SUMF1: variants seen among roughly 807,000 people sequenced by gnomAD.
The protein encoded by SUMF1 is sulfatase modifying factor 1.
SUMF1 carries 48 observed loss-of-function variants against 47.6 expected under a neutral mutation model. The ratio of observed to expected loss-of-function variants is 1.01; its 90% confidence interval spans 0.80 to 1.28. SUMF1 has a LOEUF of 1.28. Among genes scored for constraint, SUMF1 ranks in the 50% most tolerant of loss-of-function variants. SUMF1 has a pLI of 0.00. For synonymous variants in SUMF1, 230 were observed against 192.1 expected, an observed-to-expected ratio of 1.20 and a Z score of -1.63; for missense variants, 571 against 485.4, an observed-to-expected ratio of 1.18 and a Z score of -1.66.
intron 9 of SUMF1, among the ~76,000 whole-genome samples, chr3:4,056,751 A>T (rs894552408): frequency 5.3e-5 from 8 of 151,424 alleles, no homozygotes; most frequent in African/African-American, 1.9e-4. Flanking sequence ...TTTTTTATTT[A>T]TTTTTTTTGA....
chr3:4,341,420 A>T (rs1699270285), intron 8 of SUMF1, among the ~76,000 whole-genome samples: 1 of 152,044 alleles, frequency 6.6e-6, no homozygotes, highest in East Asian at 1.9e-4. Flanking sequence ...AACTTGTAAG[A>T]TTTAGGACTC....
At position 4,303,437 on chromosome 3, in the gene SUMF1, G is replaced by A. The variant is rs1698031791; in HGVS notation, c.1014+72893C>T. The A allele has an allele frequency of 1.3e-6, 2 of 1,552,444 alleles. No individual in the cohort carries two copies. The highest frequency in any genetic ancestry group is 1.7e-6 in the Non-Finnish European group (2 of 1,154,488). ...GGCGGAGTTTAAGGAGAAGCCTGAG[G>A]CCCCGACTGAGCAGCTGGATGTCGC... On this transcript the variant is annotated intron_variant and NMD_transcript_variant, in intron 8 of 12. Transcript: ENST00000448413.
chr3:4,045,883 T>C (rs1321186422), intron 9 of SUMF1, among the ~76,000 whole-genome samples: 1 of 152,068 alleles, frequency 6.6e-6, no homozygotes, highest in Admixed American at 6.5e-5. Context: ...TGGACATGAC[T>C]GAGATAAAGA....
At chr3:4,240,623 A>G (rs570359233) in intron 8 of SUMF1, among the ~76,000 whole-genome samples, 1 of 152,080 alleles carries the variant, frequency 6.6e-6, no homozygotes, top group South Asian at 2.1e-4. Context: ...AACACTATTT[A>G]TGATAGTGAG....
At position 4,273,008 on chromosome 3, in the gene SUMF1, A is replaced by G. The variant is rs147083352; in HGVS notation, c.1014+103322T>C. Among the ~76,000 whole-genome samples, 237 of 151,984 alleles carry G rather than the reference A, an allele frequency of 1.6e-3. 3 individuals carry two copies. The highest frequency in any genetic ancestry group is 4.0e-3 in the South Asian group (19 of 4,808). On this transcript the variant is annotated intron_variant and NMD_transcript_variant, in intron 8 of 12. Transcript: ENST00000448413. ...GAGGAATTCGAGGCTACTGTGAGCT[A>G]TGATCATGCCACTGCAACTCCAGCC... is the stretch of plus-strand genomic sequence containing the variant.
chr3:4,396,466 C>A (rs780182490), intron 7 of SUMF1, among the ~76,000 whole-genome samples: 3 of 152,190 alleles, frequency 2.0e-5, no homozygotes, highest in Non-Finnish European at 1.5e-5. Context: ...ACGGGACCTA[C>A]CGCACAGGCC....
intron 9 of SUMF1, among the ~76,000 whole-genome samples, chr3:4,036,209 G>A (rs541469069): frequency 1.4e-4 from 21 of 152,290 alleles, no homozygotes; most frequent in African/African-American, 4.8e-4. Flanking sequence ...GTGATTATGA[G>A]GATGAGACAA....
intron 8 of SUMF1, among the ~76,000 whole-genome samples, chr3:4,094,653 TA>T (rs1239933467): frequency 2.6e-5 from 4 of 152,098 alleles, no homozygotes; most frequent in Non-Finnish European, 5.9e-5. Context: ...ATTTTAACAA[TA>T]AATTATGCAA....
chr3:4,298,247 G>C (rs1033694696), intron 8 of SUMF1, among the ~76,000 whole-genome samples: 1 of 152,048 alleles, frequency 6.6e-6, no homozygotes. Context: ...AAGGTTCCTG[G>C]TCAATGAAAA....
chr3:4,316,046 C>CAA (rs774059331), intron 8 of SUMF1, among the ~76,000 whole-genome samples: 29 of 76,640 alleles, frequency 3.8e-4, no homozygotes, highest in East Asian at 5.3e-4. Context: ...GACTCTGTCT[C>CAA]AAAAAAAAAA....
chr3:4,156,906 T>C (rs943991089), intron 8 of SUMF1, among the ~76,000 whole-genome samples: 2 of 151,730 alleles, frequency 1.3e-5, no homozygotes, highest in Admixed American at 1.3e-4. Flanking sequence ...TGCTGCTGAT[T>C]ATAAAATGCA....
intron 7 of SUMF1, among the ~76,000 whole-genome samples, chr3:4,409,342 A>C (rs1027692778): frequency 2.0e-5 from 3 of 152,238 alleles, no homozygotes; most frequent in Non-Finnish European, 2.9e-5. Flanking sequence ...ACCTAAAATG[A>C]GAACAATTTC....
chr3:4,341,044 T>A (rs1368037400), intron 8 of SUMF1, among the ~76,000 whole-genome samples: 1 of 152,136 alleles, frequency 6.6e-6, no homozygotes, highest in Non-Finnish European at 1.5e-5. Flanking sequence ...AGGGAGTGCA[T>A]CTTTGAAGAT....
At chr3:4,135,899 A>C (rs979171055) in intron 8 of SUMF1, among the ~76,000 whole-genome samples, 31 of 152,174 alleles carry the variant, frequency 2.0e-4, no homozygotes, top group Admixed American at 4.6e-4. Flanking sequence ...AATAAAATAC[A>C]CAGGAATCCA....
intron 8 of SUMF1, among the ~76,000 whole-genome samples, chr3:4,373,166 G>C (rs781232860): frequency 1.1e-4 from 17 of 151,428 alleles, no homozygotes; most frequent in Non-Finnish European, 2.4e-4. Flanking sequence ...CATAAGGAGA[G>C]AAAATGGGGT....
intron 8 of SUMF1, among the ~76,000 whole-genome samples, chr3:4,169,766 T>C (rs1694792343): frequency 6.6e-6 from 1 of 151,998 alleles, no homozygotes; most frequent in Non-Finnish European, 1.5e-5. Flanking sequence ...TGCTCAAGAG[T>C]GAGGCTAAAT....
chr3:4,083,931 A>G (rs1315301506), intron 8 of SUMF1, among the ~76,000 whole-genome samples: 4 of 151,256 alleles, frequency 2.6e-5, no homozygotes, highest in Non-Finnish European at 5.9e-5. Context: ...CGGTTTGGGG[A>G]TGCTTCTTGC....
At chr3:4,342,751 C>G (rs1176224224) in intron 8 of SUMF1, among the ~76,000 whole-genome samples, 1 of 152,064 alleles carries the variant, frequency 6.6e-6, no homozygotes, top group Non-Finnish European at 1.5e-5. Context: ...TACTATTACT[C>G]GAGAAATAGA....
Position 4,272,580 on chromosome 3 carries a change from G to A in SUMF1, c.1014+103750C>T, listed in dbSNP as rs78986968. Among the ~76,000 whole-genome samples the A allele has an allele frequency of 1.8e-3, 274 of 152,306 alleles. 2 individuals carry two copies. Among genetic ancestry groups the A allele is most frequent in the African/African-American group, 6.3e-3 (260 of 41,552 alleles). On this transcript the variant is annotated intron_variant and NMD_transcript_variant, in intron 8 of 12. Coordinates refer to the SUMF1 transcript ENST00000448413. ...GGAAGCGGGAGGAGCAGACCTTTCA[G>A]ACCTGAGGGAGAACCTGGGTGTGGC...
Sources: gnomAD v4.1 joint callset for allele counts (sites outside exome capture counted in the v4.1 genomes callset) on GRCh38, gnomAD v4.1.1 for gene constraint, MANE v1.5 for transcripts, NCBI Gene and HGNC (gene_info 2026-07-23, HGNC 2026-07-21) for gene names.